The following CNTNAP2 variants were observed in gnomAD, a reference collection of about 807,000 sequenced individuals.
CNTNAP2 encodes contactin associated protein 2.
CNTNAP2 carries 98 observed loss-of-function variants against 155.2 expected under a neutral mutation model. The observed-to-expected ratio is 0.63, with a 90% CI of 0.54 to 0.75. CNTNAP2 has a LOEUF of 0.75. Among genes scored for constraint, CNTNAP2 ranks in the 30% least tolerant of loss-of-function variants. The probability of loss-of-function intolerance (pLI) is 0.00; values close to 1 mark genes in which losing one functional copy is unlikely to be tolerated. For missense variants in CNTNAP2, 1,727 were observed against 1,688.1 expected (o/e 1.02, Z -0.40); for synonymous variants, 651 against 631.2 (o/e 1.03, Z -0.47).
At chr7:146,437,956 C>T (rs1420842446) in intron 1 of CNTNAP2, among the ~76,000 whole-genome samples, 1 of 151,006 alleles carries the variant, frequency 6.6e-6, no homozygotes, top group Non-Finnish European at 1.5e-5. Context: ...GATGGTACAA[C>T]CACAAAATAA....
chr7:147,958,076 T>A (rs1801050908), intron 14 of CNTNAP2, among the ~76,000 whole-genome samples: 1 of 152,106 alleles, frequency 6.6e-6, no homozygotes, highest in South Asian at 2.1e-4. Flanking sequence ...CTGTCTCAAA[T>A]AAATAAACCA....
chr7:148,140,425 T>C lies in CNTNAP2; in HGVS notation c.2555-7066T>C, dbSNP rs570625884. On this transcript the variant is annotated intron_variant, in intron 16 of 23. Coordinates refer to ENST00000361727, the MANE Select transcript of CNTNAP2 (RefSeq NM_014141.6). ...GGCCCCATCTTTTTTCTTTTTCTTT[T>C]TTTTTTTTTTTTTGAGACAGAGTTT... 6.0e-5 allele frequency among the ~76,000 whole-genome samples: 9 copies of C among 150,242 alleles called. No individual in the cohort carries two copies. In the East Asian group the frequency reaches 1.4e-3, roughly 23 times the overall value.
At chr7:146,795,363 A>G (rs892866953) in intron 2 of CNTNAP2, among the ~76,000 whole-genome samples, 1 of 152,188 alleles carries the variant, frequency 6.6e-6, no homozygotes, top group African/African-American at 2.4e-5. Flanking sequence ...GACCTCGCAA[A>G]TCAACATTCA....
chr7:146,336,167 C>A (rs1423534459), intron 1 of CNTNAP2, among the ~76,000 whole-genome samples: 2 of 151,216 alleles, frequency 1.3e-5, no homozygotes, highest in African/African-American at 4.9e-5. Flanking sequence ...CCATTGCACT[C>A]CAGCCTGGGC....
At chr7:147,933,497 A>ATAGAT (rs1316801509) in intron 14 of CNTNAP2, among the ~76,000 whole-genome samples, 2 of 67,636 alleles carry the variant, frequency 3.0e-5, no homozygotes, top group African/African-American at 7.7e-5. Context: ...AAAATGTGAG[A>ATAGAT]TAGATAGATA....
intron 10 of CNTNAP2, among the ~76,000 whole-genome samples, chr7:147,448,531 A>C (rs1797780242): frequency 6.7e-6 from 1 of 150,106 alleles, no homozygotes; most frequent in Admixed American, 6.7e-5. Context: ...AGTATCAGTA[A>C]ATTTTACTAG....
In CNTNAP2 at chr7:146,255,997, G is replaced by A. The variant is rs192022248; in HGVS notation, c.97+139024G>A. ...GCAAAAGAAAAGGTCATTATTAATAGCATCAGTCATGGATGAAAACAAATT... is the reference window on the plus strand; with the variant it reads ...GCAAAAGAAAAGGTCATTATTAATAACATCAGTCATGGATGAAAACAAATT... On this transcript the variant is annotated intron_variant, in intron 1 of 23. Transcript: ENST00000361727. Among the ~76,000 whole-genome samples the A allele has an allele frequency of 3.0e-4, 46 of 152,318 alleles. 1 individual carries two copies. Among genetic ancestry groups the A allele is most frequent in the Admixed American group, 3.0e-3 (46 of 15,302 alleles).
At chr7:146,776,967 A>G (rs1394716061) in intron 2 of CNTNAP2, among the ~76,000 whole-genome samples, 1 of 152,150 alleles carries the variant, frequency 6.6e-6, no homozygotes, top group Non-Finnish European at 1.5e-5. Flanking sequence ...TAGAATATAT[A>G]TTTATATCTA....
chr7:146,720,913 C>CTCTCTATATATTCTATATATATACTT (rs1563202690), intron 1 of CNTNAP2, among the ~76,000 whole-genome samples: 9 of 137,906 alleles, frequency 6.5e-5, no homozygotes, highest in South Asian at 2.2e-4. Context: ...TATATATATA[C>CTCTCTATATATTCTATATATATACTT]TCTCTATATA....
chr7:146,769,131 C>G (rs1236331465), intron 1 of CNTNAP2, among the ~76,000 whole-genome samples: 1 of 152,186 alleles, frequency 6.6e-6, no homozygotes, highest in Non-Finnish European at 1.5e-5. Flanking sequence ...GGCCCATCTG[C>G]TTTTCTAATT....
At chr7:146,600,378 A>T (rs1177089604) in intron 1 of CNTNAP2, among the ~76,000 whole-genome samples, 1 of 152,188 alleles carries the variant, frequency 6.6e-6, no homozygotes, top group East Asian at 1.9e-4. Flanking sequence ...AAAAATACTT[A>T]CAAAATAGTT....
chr7:146,826,026 T>G (rs1490964284), intron 2 of CNTNAP2, among the ~76,000 whole-genome samples: 1 of 152,162 alleles, frequency 6.6e-6, no homozygotes, highest in Non-Finnish European at 1.5e-5. Context: ...TTTTTTGCTA[T>G]TCTGCATTTT....
At chr7:148,318,237 T>G (rs1420346839) in intron 21 of CNTNAP2, among the ~76,000 whole-genome samples, 1 of 152,150 alleles carries the variant, frequency 6.6e-6, no homozygotes, top group East Asian at 1.9e-4. Context: ...TGGCTCACAA[T>G]CCACATCCAT....
rs139511370 is a variant in CNTNAP2 at position 146,912,919 on chromosome 7, A to G, written c.402+73015A>G. ...CTGCAGTAACATTTGATATACTCAT[A>G]TGTTATACGACAAGTAAACATTTCA... is the stretch of plus-strand genomic sequence containing the variant. On this transcript the variant is annotated intron_variant, in intron 3 of 23. Coordinates refer to ENST00000361727, the MANE Select transcript of CNTNAP2 (RefSeq NM_014141.6). Among the ~76,000 whole-genome samples the G allele has an allele frequency of 4.8e-4, 73 of 152,260 alleles. No individual in the cohort carries two copies. The East Asian group carries it at 0.014, about 29-fold the overall frequency.
At chr7:147,893,641 T>C (rs1223331918) in intron 13 of CNTNAP2, among the ~76,000 whole-genome samples, 1 of 152,182 alleles carries the variant, frequency 6.6e-6, no homozygotes, top group African/African-American at 2.4e-5. Flanking sequence ...TACAAGATCT[T>C]AGTGGAATCA....
chr7:146,341,741 A>C (rs1313130066), intron 1 of CNTNAP2, among the ~76,000 whole-genome samples: 1 of 152,118 alleles, frequency 6.6e-6, no homozygotes, highest in Non-Finnish European at 1.5e-5. Context: ...AAAACCCCTG[A>C]AAAACAAAAG....
At chr7:146,161,255 G>A (rs539517882) in intron 1 of CNTNAP2, among the ~76,000 whole-genome samples, 37 of 152,256 alleles carry the variant, frequency 2.4e-4, no homozygotes, top group South Asian at 1.9e-3. Context: ...TACTGAATGC[G>A]CAAAAACTTG....
chr7:146,250,344 G>A (rs576002881), intron 1 of CNTNAP2, among the ~76,000 whole-genome samples: 15 of 152,270 alleles, frequency 9.9e-5, no homozygotes, highest in African/African-American at 2.9e-4. Context: ...TGGTTCAACC[G>A]AAGTGTTGCT....
intron 8 of CNTNAP2, among the ~76,000 whole-genome samples, chr7:147,193,852 C>A (rs1037171617): frequency 6.6e-6 from 1 of 151,926 alleles, no homozygotes; most frequent in Admixed American, 6.6e-5. Context: ...AGTAGGGATA[C>A]TTTTAAGACA....
Sources: allele counts gnomAD v4.1 joint callset (sites outside exome capture counted in the v4.1 genomes callset), GRCh38; gene constraint gnomAD v4.1.1; transcripts MANE v1.5; gene names NCBI Gene and HGNC (gene_info 2026-07-23, HGNC 2026-07-21).